The following TMEM131 variants were observed in gnomAD, a reference collection of about 807,000 sequenced individuals.
The protein encoded by TMEM131 is 2610524E03Rik.
A neutral mutation model predicts 211.6 loss-of-function variants in TMEM131; 66 were observed. The observed-to-expected ratio is 0.31, with a 90% CI of 0.26 to 0.38. The LOEUF (loss-of-function observed/expected upper bound fraction) is 0.38, where lower values mean the gene tolerates loss of function less well. Among genes scored for constraint, TMEM131 ranks in the 10% least tolerant of loss-of-function variants. The pLI is 1.00. For synonymous variants in TMEM131, 844 were observed against 841.3 expected (o/e 1.00, Z -0.06); for missense variants, 2,036 against 2,299.3 (o/e 0.89, Z 2.34).
chr2:97,787,944 C>T (rs566808568), intron 31 of TMEM131, among the ~76,000 whole-genome samples: 27 of 152,288 alleles, frequency 1.8e-4, no homozygotes, highest in South Asian at 1.0e-3. Flanking sequence ...CCACCATCCT[C>T]GAAATTCAAT....
intron 38 of TMEM131, 182 bp downstream of exon 38, chr2:97,760,411 G>A (rs1678764231): frequency 1.4e-5 from 9 of 627,824 alleles, no homozygotes; most frequent in East Asian, 2.8e-5. Flanking sequence ...GGAAGGCACC[G>A]CAGCCGGCTT....
At chr2:97,817,247 A>G (rs1681872709) in intron 12 of TMEM131, among the ~76,000 whole-genome samples, 1 of 151,954 alleles carries the variant, frequency 6.6e-6, no homozygotes, top group African/African-American at 2.4e-5. Flanking sequence ...ACCCTTGCAG[A>G]CCATGTGGAG....
intron 4 of TMEM131, among the ~76,000 whole-genome samples, chr2:97,873,008 T>C (rs182730736): frequency 2.0e-5 from 3 of 152,344 alleles, no homozygotes; most frequent in Admixed American, 1.3e-4. Flanking sequence ...AAGTTCTCGC[T>C]GCCAGCACAG....
intron 11 of TMEM131, chr2:97,827,139 G>A: frequency 2.0e-6 from 1 of 499,730 alleles, no homozygotes; most frequent in South Asian, 2.3e-5. Flanking sequence ...TTTGCTAAAA[G>A]TTAACAGTGT....
intron 18 of TMEM131, among the ~76,000 whole-genome samples, chr2:97,810,591 GA>G (rs1292310805): frequency 1.3e-5 from 2 of 152,164 alleles, no homozygotes; most frequent in Non-Finnish European, 2.9e-5. Flanking sequence ...AGGTCTGGCA[GA>G]AATACATCCA....
At chr2:97,965,409 G>A (rs1450843469) in intron 1 of TMEM131, among the ~76,000 whole-genome samples, 2 of 152,192 alleles carry the variant, frequency 1.3e-5, no homozygotes, top group Non-Finnish European at 2.9e-5. Context: ...TGGTCCCCTG[G>A]ACCCACCTTT....
intron 8 of TMEM131, 138 bp downstream of exon 8, chr2:97,836,939 C>T (rs1175142117): frequency 4.3e-6 from 3 of 702,786 alleles, no homozygotes; most frequent in Middle Eastern, 3.3e-4. Flanking sequence ...ATATACTTGA[C>T]ATAAATTAAC....
intron 4 of TMEM131, among the ~76,000 whole-genome samples, chr2:97,872,044 G>A (rs944478932): frequency 1.3e-5 from 2 of 151,048 alleles, no homozygotes; most frequent in African/African-American, 2.4e-5. Flanking sequence ...GAAAAGAGGG[G>A]GAGGGAAAGG....
In TMEM131 at chr2:97,766,587, T is replaced by A; in HGVS notation, c.4464A>T (p.Pro1488=). The change falls in exon 34 of 41, where the codon CCA becomes CCT. Residue 1488 remains proline, a synonymous_variant. Transcript: ENST00000186436. ...TDVKPSSLEL[P]YTPPLESKQR... ...GCTTACTTTCCAAAGGGGGAGTATA[T>A]GGTAGTTCTAATGAACTGAAAGACA... The A allele has an allele frequency of 6.2e-7, 1 of 1,613,920 alleles. No homozygotes were observed. Among genetic ancestry groups the A allele is most frequent in the Middle Eastern group, 1.6e-4 (1 of 6,062 alleles).
At chr2:97,923,906 C>T (rs1676862301) in intron 2 of TMEM131, among the ~76,000 whole-genome samples, 1 of 151,968 alleles carries the variant, frequency 6.6e-6, no homozygotes. Context: ...CGGTGAAACC[C>T]CGTCTCTACT....
At chr2:97,912,809 G>C (rs1188351312) in intron 2 of TMEM131, among the ~76,000 whole-genome samples, 1 of 152,124 alleles carries the variant, frequency 6.6e-6, no homozygotes, top group Non-Finnish European at 1.5e-5. Context: ...CAAATAATCT[G>C]AGCACAGCTT....
intron 1 of TMEM131, among the ~76,000 whole-genome samples, chr2:97,952,262 T>C (rs1678357491): frequency 6.7e-6 from 1 of 149,954 alleles, no homozygotes; most frequent in African/African-American, 2.5e-5. Flanking sequence ...TAATGAAAAA[T>C]CTAACATTAG....
At chr2:97,937,918 A>G (rs1677519357) in intron 1 of TMEM131, among the ~76,000 whole-genome samples, 1 of 152,208 alleles carries the variant, frequency 6.6e-6, no homozygotes, top group African/African-American at 2.4e-5. Context: ...TTTCATATCC[A>G]CCCAAACTAA....
chr2:97,881,705 T>C (rs1457163921), intron 4 of TMEM131, among the ~76,000 whole-genome samples: 1 of 59,734 alleles, frequency 1.7e-5, no homozygotes, highest in East Asian at 4.4e-4. Context: ...GCTGGATAAC[T>C]GCAAAAAAAA....
Position 97,943,046 on chromosome 2 carries a change from AAAGAAAGAAAGAAAGAAAGAAAGAAAG to A in TMEM131, c.188-15586_188-15560del, listed in dbSNP as rs1677853672. 4.3e-3 allele frequency among the ~76,000 whole-genome samples: 436 copies of A among 100,766 alleles called. 7 individuals carry two copies. Among genetic ancestry groups the A allele is most frequent in the African/African-American group, 0.012 (336 of 28,446 alleles). 66.1% of individuals were successfully genotyped at this position (100,766 alleles called of 152,430 possible). The stretch of plus-strand genomic sequence containing the variant: ...GAAAAGAAAAGAAAAGAAAAGAAAG[AAAGAAAGAAAGAAAGAAAGAAAGAAAG>A]AAAGAAAGAAAGAAAGAAAGAAAGA... On this transcript the variant is annotated intron_variant, in intron 1 of 40. Coordinates refer to ENST00000186436, the MANE Select transcript of TMEM131 (RefSeq NM_015348.2).
chr2:97,923,303 A>G (rs1676822676), intron 2 of TMEM131, among the ~76,000 whole-genome samples: 1 of 151,162 alleles, frequency 6.6e-6, no homozygotes, highest in African/African-American at 2.5e-5. Context: ...AATAAAAATA[A>G]AATAAAACAG....
intron 31 of TMEM131, among the ~76,000 whole-genome samples, chr2:97,778,181 ATT>A (rs1285607220): frequency 6.6e-6 from 1 of 152,254 alleles, no homozygotes; most frequent in African/African-American, 2.4e-5. Context: ...CTGGAAATGA[ATT>A]TTCAAAAACT....
chr2:97,953,020 C>T lies in TMEM131; in HGVS notation c.188-25533G>A, dbSNP rs183130860. On this transcript the variant is annotated intron_variant, in intron 1 of 40. Transcript: ENST00000186436. ...AAAAATTTTGTCACTACCAAGCCTA[C>T]GCTTAAAGAAGGTCTAAAGGAGTAT... Among the ~76,000 whole-genome samples the T allele has an allele frequency of 4.6e-5, 7 of 152,156 alleles. No individual in the cohort carries two copies. In the South Asian group the frequency reaches 6.2e-4, roughly 14 times the overall value.
In TMEM131 at chr2:97,834,796, C is replaced by A; in HGVS notation, c.934G>T (p.Val312Phe). ...SDSTEFIILPVEVEVTTAPGI... is the reference protein window; with the variant it reads ...SDSTEFIILPFEVEVTTAPGI... ...TAACCTGTTGTAACTTCAACCTCAA[C>A]AGGAAGAATGATAAACTCTGTGCTG... The change falls in exon 9 of 41, where the codon GTT (valine) becomes TTT (phenylalanine). Residue 312 changes from valine to phenylalanine, a missense_variant. Val to Phe is a conservative substitution (Grantham distance 50). Coordinates refer to ENST00000186436, the MANE Select transcript of TMEM131 (RefSeq NM_015348.2). 1.2e-6 allele frequency: 2 copies of A among 1,613,572 alleles called. No homozygotes were observed. The highest frequency in any genetic ancestry group is 1.7e-6 in the Non-Finnish European group (2 of 1,179,726).
Sources: gnomAD v4.1 joint callset for allele counts (sites outside exome capture counted in the v4.1 genomes callset) on GRCh38, gnomAD v4.1.1 for gene constraint, MANE v1.5 for transcripts, NCBI Gene and HGNC (gene_info 2026-07-23, HGNC 2026-07-21) for gene names.